HFM1: variants seen among roughly 807,000 people sequenced by gnomAD.
HFM1 encodes the protein helicase for meiosis 1, also known as probable ATP-dependent DNA helicase HFM1.
Under a neutral mutation model 192.1 loss-of-function variants are expected in HFM1, and 169 were observed. The ratio of observed to expected loss-of-function variants is 0.88; its 90% CI spans 0.78 to 1.00. HFM1 has a LOEUF of 1.00. HFM1 is among the 50% of genes least tolerant of loss of function. The pLI is 0.00. For missense variants in HFM1, 1,661 were observed against 1,668.0 expected (o/e 1.00, Z 0.07); for synonymous variants, 525 against 537.8 (o/e 0.98, Z 0.33).
At chr1:91,329,393 C>T in intron 20 of HFM1, 1 of 1,583,820 alleles carries the variant, frequency 6.3e-7, no homozygotes. Context: ...CCCAGGGCCG[C>T]CTGGATGATT....
At chr1:91,289,254 A>G (rs1347758872) in intron 30 of HFM1, among the ~76,000 whole-genome samples, 2 of 142,338 alleles carry the variant, frequency 1.4e-5, no homozygotes, top group African/African-American at 5.3e-5. Context: ...CGCTCTTCAC[A>G]TCTCAGACGG....
At chr1:91,266,546 C>T (rs1232651362) in intron 35 of HFM1, among the ~76,000 whole-genome samples, 1 of 152,154 alleles carries the variant, frequency 6.6e-6, no homozygotes, top group Non-Finnish European at 1.5e-5. Context: ...TTTGCACTCA[C>T]TCTCGTTATT....
chr1:91,376,802 G>A (rs1660962243), intron 11 of HFM1, among the ~76,000 whole-genome samples: 1 of 151,628 alleles, frequency 6.6e-6, no homozygotes, highest in African/African-American at 2.4e-5. Flanking sequence ...CCAGTGTTAG[G>A]ATACAGGAAA....
chr1:91,328,319 A>C, intron 20 of HFM1: 1 of 1,464,606 alleles, frequency 6.8e-7, no homozygotes, highest in South Asian at 1.4e-5. Flanking sequence ...GCAACCCTGA[A>C]TCAAGCTTTA....
Position 91,375,420 on chromosome 1 carries a change from T to C in HFM1, c.1623A>G (p.Gln541=). 6.2e-7 allele frequency: 1 copy of C among 1,613,232 alleles called. No homozygotes were observed. The change falls in exon 13 of 39, where the codon CAA becomes CAG. Residue 541 remains glutamine (Q), a synonymous_variant. Coordinates refer to ENST00000370425, the MANE Select transcript of HFM1 (RefSeq NM_001017975.6). ...CTTTCACAAGAACAGAAGCAGCCTG[T>C]TGCACACCCTTCCTTGTTGCACAAA... The part of the protein sequence containing the change: ...LVFCATRKGV[Q]QAASVLVKDA...
intron 1 of HFM1, among the ~76,000 whole-genome samples, chr1:91,404,073 G>A (rs1664595453): frequency 6.6e-6 from 1 of 152,112 alleles, no homozygotes; most frequent in Admixed American, 6.5e-5. Context: ...ATAACCGACC[G>A]TCACAAATAA....
intron 13 of HFM1, among the ~76,000 whole-genome samples, chr1:91,356,483 T>A (rs547282015): frequency 2.6e-5 from 4 of 152,090 alleles, no homozygotes; most frequent in Admixed American, 2.0e-4. Context: ...GGAAATTTTA[T>A]GCAATAAGTG....
intron 2 of HFM1, among the ~76,000 whole-genome samples, 158 bp from the exon 3 acceptor site, chr1:91,396,563 C>T (rs1365330397): frequency 6.6e-6 from 1 of 152,176 alleles, no homozygotes; most frequent in Non-Finnish European, 1.5e-5. Context: ...TGTTCTCAAC[C>T]TTTTACCCTT....
At chr1:91,398,105 A>C (rs1663887920) in intron 2 of HFM1, among the ~76,000 whole-genome samples, 1 of 152,200 alleles carries the variant, frequency 6.6e-6, no homozygotes. Context: ...CTCTAGCCAA[A>C]GCCGCCCTCG....
At chr1:91,293,092 T>TA (rs1259861927) in intron 30 of HFM1, among the ~76,000 whole-genome samples, 8 of 152,146 alleles carry the variant, frequency 5.3e-5, no homozygotes, top group Non-Finnish European at 8.8e-5. Context: ...CCTAAAACCA[T>TA]AAAAACCCTA....
chr1:91,367,082 G>C (rs1039634499), intron 13 of HFM1, among the ~76,000 whole-genome samples: 1 of 152,194 alleles, frequency 6.6e-6, no homozygotes, highest in Non-Finnish European at 1.5e-5. Context: ...CATTGCCGAG[G>C]CTTGAGTAGG....
At chr1:91,364,346 T>C (rs2101855446) in intron 13 of HFM1, among the ~76,000 whole-genome samples, 1 of 152,080 alleles carries the variant, frequency 6.6e-6, no homozygotes, top group South Asian at 2.1e-4. Context: ...TTGGTGGGAA[T>C]GCAGATTGGT....
intron 30 of HFM1, among the ~76,000 whole-genome samples, chr1:91,310,650 A>G (rs1047962351): frequency 2.6e-4 from 40 of 152,216 alleles, no homozygotes; most frequent in Admixed American, 2.6e-4. Flanking sequence ...TAATTGAATC[A>G]TGGAGGCTGG....
intron 8 of HFM1, among the ~76,000 whole-genome samples, chr1:91,379,605 G>A (rs1467013039): frequency 6.6e-6 from 1 of 152,110 alleles, no homozygotes; most frequent in Non-Finnish European, 1.5e-5. Context: ...GCTTGATTTA[G>A]AGATATCAAG....
intron 30 of HFM1, among the ~76,000 whole-genome samples, chr1:91,308,565 G>A (rs977710301): frequency 1.3e-5 from 2 of 151,678 alleles, no homozygotes; most frequent in Non-Finnish European, 2.9e-5. Context: ...TTGCTATGTG[G>A]TCCAGGCTGG....
At chr1:91,353,443 T>C (rs2101749382) in intron 13 of HFM1, 144 bp from the exon 14 acceptor site, 1 of 514,788 alleles carries the variant, frequency 1.9e-6, no homozygotes, top group Non-Finnish European at 3.5e-6. Flanking sequence ...GTAGAAAATA[T>C]CCAACTTTCA....
At chr1:91,288,294 A>G (rs1419406093) in intron 30 of HFM1, among the ~76,000 whole-genome samples, 3 of 152,036 alleles carry the variant, frequency 2.0e-5, no homozygotes, top group Non-Finnish European at 4.4e-5. Context: ...AGGGAAGCCC[A>G]TCAGACTAAC....
At position 91,397,418 on chromosome 1, in the gene HFM1, G is replaced by A. The variant is rs1035347503; in HGVS notation, c.72-1013C>T. On this transcript the variant is annotated intron_variant, in intron 2 of 38. Transcript: ENST00000370425. ...ATTAGGACAAAAAGATAAGTGTTAG[G>A]TGACAGGAAATAAAGTTGAGAAGAG... Among the ~76,000 whole-genome samples the A allele has an allele frequency of 2.6e-5, 4 of 152,260 alleles. No individual in the cohort carries two copies. In the South Asian group the frequency reaches 6.2e-4, roughly 24 times the overall value.
intron 33 of HFM1, among the ~76,000 whole-genome samples, 199 bp from the exon 34 acceptor site, chr1:91,274,014 A>G (rs1193734445): frequency 1.3e-5 from 2 of 152,126 alleles, no homozygotes; most frequent in Non-Finnish European, 2.9e-5. Context: ...CCTTAGTTAG[A>G]TAACAAAAGC....
Sources: allele counts gnomAD v4.1 joint callset (sites outside exome capture counted in the v4.1 genomes callset), GRCh38; gene constraint gnomAD v4.1.1; transcripts MANE v1.5; gene names NCBI Gene and HGNC (gene_info 2026-07-23, HGNC 2026-07-21).